The following SLC47A2 variants were observed in gnomAD, a reference collection of about 807,000 sequenced individuals.
SLC47A2 encodes the protein solute carrier family 47 member 2, also known as multidrug and toxin extrusion protein 2.
Under a neutral mutation model 67.7 loss-of-function variants are expected in SLC47A2, and 52 were observed. The observed-to-expected ratio is 0.77, with a 90% CI of 0.61 to 0.97. The LOEUF (loss-of-function observed/expected upper bound fraction) is 0.97, where lower values mean the gene tolerates loss of function less well. Ranked by LOEUF, SLC47A2 falls within the 50% of genes least tolerant of loss-of-function variation. The probability of loss-of-function intolerance (pLI) is 0.00; values close to 1 mark genes in which losing one functional copy is unlikely to be tolerated. For missense variants in SLC47A2, 676 were observed against 712.3 expected (o/e 0.95, Z 0.58); for synonymous variants, 278 against 292.9 (o/e 0.95, Z 0.52).
intron 13 of SLC47A2, among the ~76,000 whole-genome samples, chr17:19,687,324 G>A (rs550075892): frequency 3.9e-5 from 6 of 152,170 alleles, no homozygotes; most frequent in Admixed American, 1.3e-4. Context: ...AAACACCTAC[G>A]TCAAAAAGTG....
chr17:19,707,627 T>C (rs2085976227), intron 8 of SLC47A2, 119 bp downstream of exon 8: 2 of 823,186 alleles, frequency 2.4e-6, no homozygotes, highest in Non-Finnish European at 3.8e-6. Context: ...CCGTGCAGGG[T>C]CCTGCACCTC....
chr17:19,693,608 T>TAAA (rs2085591247), intron 13 of SLC47A2, among the ~76,000 whole-genome samples: 1 of 121,976 alleles, frequency 8.2e-6, no homozygotes, highest in South Asian at 3.4e-4. Context: ...CCGTCTCTAC[T>TAAA]AAAAATAATA....
At chr17:19,695,515 CAAAAAAA>C (rs201305334) in intron 13 of SLC47A2, among the ~76,000 whole-genome samples, 2 of 91,406 alleles carry the variant, frequency 2.2e-5, no homozygotes, top group Admixed American at 1.2e-4. Flanking sequence ...AAAAAAACAG[CAAAAAAA>C]AAAAAAAGAA....
chr17:19,706,588 G>T, intron 9 of SLC47A2, 60 bp downstream of exon 9: 1 of 1,396,442 alleles, frequency 7.2e-7, no homozygotes, highest in Non-Finnish European at 9.6e-7. Context: ...CTGGGGAGGG[G>T]GCTTCTGGGC....
chr17:19,699,408 TCTCA>T (rs1197521469), intron 13 of SLC47A2, among the ~76,000 whole-genome samples: 1 of 152,000 alleles, frequency 6.6e-6, no homozygotes, highest in African/African-American at 2.4e-5. Context: ...GAGATGGGGG[TCTCA>T]CTCTGTTGCC....
intron 11 of SLC47A2, 109 bp from the exon 12 acceptor site, chr17:19,703,276 T>G (rs2085837336): frequency 1.1e-6 from 1 of 915,990 alleles, no homozygotes; most frequent in Non-Finnish European, 1.7e-6. Flanking sequence ...CCCAGCCCTC[T>G]GCAACCAGGT....
rs376421449 is a variant in SLC47A2, at chr17:19,682,329, TCACACACACACACACACACACA to T, written c.1165-681_1165-660del. ...GCCTGGGCGACAGAGCGAGACTTGG[TCACACACACACACACACACACA>T]CACACACACACACAAATTTATTATT... is the stretch of plus-strand genomic sequence containing the variant. On this transcript the variant is annotated intron_variant, in intron 13 of 16. Coordinates refer to ENST00000433844, the MANE Select transcript of SLC47A2 (RefSeq NM_001099646.3). 5.6e-5 allele frequency among the ~76,000 whole-genome samples: 8 copies of T among 143,884 alleles called. No individual in the cohort carries two copies. The East Asian group carries it at 1.7e-3, about 30-fold the overall frequency. 94.4% of individuals were successfully genotyped at this position (143,884 alleles called of 152,430 possible).
At chr17:19,692,933 C>A (rs2085575336) in intron 13 of SLC47A2, among the ~76,000 whole-genome samples, 1 of 151,972 alleles carries the variant, frequency 6.6e-6, no homozygotes, top group African/African-American at 2.4e-5. Context: ...GAGATCAAGA[C>A]CATCCTGGCC....
At chr17:19,683,312 C>T (rs78025555) in intron 13 of SLC47A2, among the ~76,000 whole-genome samples, 4,453 of 152,148 alleles carry the variant, frequency 0.029, 100 homozygotes, top group Non-Finnish European at 0.045. Context: ...CCCAGGGGAC[C>T]GCCCTCCCCC....
At chr17:19,703,279 A>C (rs773414056) in intron 11 of SLC47A2, 112 bp from the exon 12 acceptor site, 1 of 921,702 alleles carries the variant, frequency 1.1e-6, no homozygotes. Context: ...AGCCCTCTGC[A>C]ACCAGGTGCC....
rs761053251 is a variant in SLC47A2 at position 19,678,626 on chromosome 17, C to A, written c.*60G>T. The A allele has an allele frequency of 7.7e-6, 12 of 1,550,984 alleles. No homozygotes were observed. In the African/African-American group the frequency reaches 1.5e-4, roughly 19 times the overall value. On this transcript the variant is annotated 3_prime_UTR_variant, in exon 17 of 17. Coordinates refer to ENST00000433844, the MANE Select transcript of SLC47A2 (RefSeq NM_001099646.3). The stretch of plus-strand genomic sequence containing the variant: ...CCATTGGTGTTTTTGCAGGGCAGAC[C>A]GTGGTGTGTTTGCATACTGGGGACA...
chr17:19,711,465 G>T (rs2086092591), intron 5 of SLC47A2, among the ~76,000 whole-genome samples: 1 of 151,448 alleles, frequency 6.6e-6, no homozygotes, highest in Admixed American at 6.6e-5. Context: ...GATGGTGGGT[G>T]CCTGTAATCC....
At chr17:19,715,084 C>T (rs533429490) in intron 2 of SLC47A2, 32 bp downstream of exon 2, 118 of 1,600,588 alleles carry the variant, frequency 7.4e-5, no homozygotes, top group South Asian at 2.4e-4. Flanking sequence ...GGGGAGAGAA[C>T]GTCCCTGCTC....
At chr17:19,703,854 G>A (rs1471061220) in intron 11 of SLC47A2, among the ~76,000 whole-genome samples, 2 of 152,218 alleles carry the variant, frequency 1.3e-5, no homozygotes, top group Non-Finnish European at 2.9e-5. Context: ...GGGATGGGGA[G>A]AAAGTGGTGG....
chr17:19,717,932 C>T (rs759550602), upstream of SLC47A2: 1 of 152,250 alleles, frequency 6.6e-6, no homozygotes, highest in Non-Finnish European at 1.5e-5. Flanking sequence ...TACCACCTGC[C>T]TAGAGGAAAG....
rs181940502 is a variant in SLC47A2 at position 19,712,989 on chromosome 17, G to A, written c.444-244C>T. 6.6e-4 allele frequency among the ~76,000 whole-genome samples: 100 copies of A among 152,074 alleles called. 1 individual carries two copies. Among genetic ancestry groups the A allele is most frequent in the East Asian group, 4.6e-3 (24 of 5,188 alleles). On this transcript the variant is annotated intron_variant, in intron 4 of 16. Coordinates refer to ENST00000433844, the MANE Select transcript of SLC47A2 (RefSeq NM_001099646.3). ...ACTTAAATTCAGAGTAACGTGGTTC[G>A]TAAGAAAAAAAGGTTATATCTTAAA...
intron 13 of SLC47A2, among the ~76,000 whole-genome samples, chr17:19,684,679 A>G (rs943117013): frequency 6.6e-6 from 1 of 151,180 alleles, no homozygotes. Context: ...TGGGCAATAT[A>G]GCAAGACTCT....
intron 13 of SLC47A2, among the ~76,000 whole-genome samples, chr17:19,697,795 A>T (rs2085697799): frequency 6.7e-6 from 1 of 149,098 alleles, no homozygotes; most frequent in South Asian, 2.1e-4. Flanking sequence ...GTATCTTGCC[A>T]TGTCACCAAG....
intron 13 of SLC47A2, chr17:19,702,075 C>T: frequency 1.0e-6 from 1 of 967,536 alleles, no homozygotes; most frequent in African/African-American, 1.8e-5. Flanking sequence ...CACTGCTGCA[C>T]TCCAGCCTGG....
Sources: gnomAD v4.1 joint callset for allele counts (sites outside exome capture counted in the v4.1 genomes callset) on GRCh38, gnomAD v4.1.1 for gene constraint, MANE v1.5 for transcripts, NCBI Gene and HGNC (gene_info 2026-07-23, HGNC 2026-07-21) for gene names.